Variants in PACRG observed in about 807,000 individuals in gnomAD.
The protein encoded by PACRG is parkin coregulated gene protein.
In PACRG, 29 loss-of-function variants were observed where a neutral mutation model predicts 29.7. The observed-to-expected ratio is 0.98, with a 90% CI of 0.73 to 1.33. The LOEUF (loss-of-function observed/expected upper bound fraction) is 1.33. Ranked by LOEUF, PACRG falls within the 40% of genes most tolerant of loss-of-function variation. The pLI is 0.00. For synonymous variants in PACRG, 116 were observed against 118.7 expected, an observed-to-expected ratio of 0.98 and a Z score of 0.15; for missense variants, 279 against 316.2, an observed-to-expected ratio of 0.88 and a Z score of 0.89.
At chr6:163,288,968 G>T (rs1784488195) in intron 4 of PACRG, among the ~76,000 whole-genome samples, 1 of 152,192 alleles carries the variant, frequency 6.6e-6, no homozygotes, top group African/African-American at 2.4e-5. Flanking sequence ...GAGATCAGAA[G>T]GTCGTGCCCA....
chr6:162,978,205 C>A (rs951344595), intron 2 of PACRG, among the ~76,000 whole-genome samples: 2 of 151,942 alleles, frequency 1.3e-5, no homozygotes, highest in Admixed American at 6.6e-5. Context: ...AGCATGAATG[C>A]TCATTACTTA....
intron 4 of PACRG, among the ~76,000 whole-genome samples, chr6:163,290,785 C>G (rs1423196829): frequency 1.3e-5 from 2 of 152,188 alleles, no homozygotes; most frequent in African/African-American, 4.8e-5. Flanking sequence ...CTAGTGCCTT[C>G]CACACAATGG....
intron 3 of PACRG, among the ~76,000 whole-genome samples, chr6:163,079,851 C>G (rs952455128): frequency 6.7e-6 from 1 of 149,254 alleles, no homozygotes; most frequent in East Asian, 2.0e-4. Context: ...GAAATGTAGA[C>G]ACCTTTTCTC....
intron 3 of PACRG, among the ~76,000 whole-genome samples, chr6:163,064,219 A>G (rs1440285435): frequency 2.6e-5 from 4 of 152,112 alleles, no homozygotes; most frequent in East Asian, 1.9e-4. Flanking sequence ...GTTGTCTGCA[A>G]TTAAAGCATA....
intron 2 of PACRG, among the ~76,000 whole-genome samples, chr6:162,839,014 C>A (rs2128405224): frequency 7.7e-6 from 1 of 130,504 alleles, no homozygotes; most frequent in African/African-American, 3.1e-5. Context: ...TGGGTTGGTT[C>A]CAAGTCTTTG....
intron 4 of PACRG, chr6:163,182,757 A>C (rs542428922): frequency 1.3e-5 from 2 of 152,234 alleles, no homozygotes; most frequent in African/African-American, 4.8e-5. Context: ...TTTTATAGAC[A>C]AGGAAATGGA....
intron 2 of PACRG, among the ~76,000 whole-genome samples, chr6:162,990,326 A>G (rs1245839951): frequency 6.6e-6 from 1 of 151,848 alleles, no homozygotes; most frequent in Non-Finnish European, 1.5e-5. Context: ...GACTTCCACA[A>G]TGGTTGAACT....
At chr6:162,960,807 CACAA>C (rs1800547642) in intron 2 of PACRG, among the ~76,000 whole-genome samples, 1 of 143,824 alleles carries the variant, frequency 7.0e-6, no homozygotes, top group African/African-American at 2.5e-5. Flanking sequence ...GATCCAGAGA[CACAA>C]ACAATGTCAG....
intron 4 of PACRG, among the ~76,000 whole-genome samples, chr6:163,225,090 A>G (rs1017334871): frequency 1.3e-5 from 2 of 152,218 alleles, no homozygotes; most frequent in East Asian, 1.9e-4. Context: ...AGGTACATGA[A>G]AAAATGGTCA....
intron 1 of PACRG, among the ~76,000 whole-genome samples, chr6:162,744,681 G>C (rs1460754401): frequency 6.6e-6 from 1 of 151,852 alleles, no homozygotes; most frequent in Non-Finnish European, 1.5e-5. Context: ...CATAAGTTTT[G>C]GTATTCCCTT....
intron 2 of PACRG, among the ~76,000 whole-genome samples, chr6:162,997,750 CTT>C (rs1178435443): frequency 1.3e-5 from 2 of 152,206 alleles, no homozygotes; most frequent in East Asian, 3.8e-4. Flanking sequence ...CATTGTCAGA[CTT>C]TTAATCTGTG....
intron 2 of PACRG, among the ~76,000 whole-genome samples, chr6:162,888,355 C>T (rs1179468346): frequency 6.6e-6 from 1 of 152,136 alleles, no homozygotes; most frequent in Non-Finnish European, 1.5e-5. Context: ...AGACATGAGG[C>T]CTCCTGCTGG....
At chr6:163,225,449 A>G (rs1295883069) in intron 4 of PACRG, among the ~76,000 whole-genome samples, 1 of 152,196 alleles carries the variant, frequency 6.6e-6, no homozygotes, top group Non-Finnish European at 1.5e-5. Context: ...CACTTCTGCC[A>G]TGACTGTAAG....
rs146231001 is a variant in PACRG, at chr6:163,060,225, G to A, written c.292-1925G>A. Among the ~76,000 whole-genome samples the A allele has an allele frequency of 1.0e-3, 154 of 152,098 alleles. 3 individuals are homozygous for A. The East Asian group carries it at 0.017, about 16-fold the overall frequency. ...AGTAAAATACAAAATTTAATTTTGTGCTTACAAGAAACACTTGTAAAAGTG... is the reference window on the plus strand; with the variant it reads ...AGTAAAATACAAAATTTAATTTTGTACTTACAAGAAACACTTGTAAAAGTG... On this transcript the variant is annotated intron_variant, in intron 2 of 4. Coordinates refer to ENST00000366888, the MANE Select transcript of PACRG (RefSeq NM_001080379.2).
chr6:163,084,150 A>T (rs2128294512), intron 3 of PACRG, among the ~76,000 whole-genome samples: 1 of 152,118 alleles, frequency 6.6e-6, no homozygotes, highest in East Asian at 1.9e-4. Flanking sequence ...ATGTCAGTAG[A>T]CTCCTCATGT....
chr6:162,905,762 G>A (rs147407326), intron 2 of PACRG, among the ~76,000 whole-genome samples: 207 of 152,260 alleles, frequency 1.4e-3, no homozygotes, highest in Admixed American at 5.5e-3. Context: ...GGAGCTGCCC[G>A]AAGCACTCTA....
At chr6:162,887,757 G>A (rs1794457241) in intron 2 of PACRG, among the ~76,000 whole-genome samples, 1 of 152,116 alleles carries the variant, frequency 6.6e-6, no homozygotes, top group South Asian at 2.1e-4. Flanking sequence ...GTTAGGTTGA[G>A]CCATCAGACT....
chr6:163,027,786 A>G (rs913907354), intron 2 of PACRG, among the ~76,000 whole-genome samples: 2 of 152,222 alleles, frequency 1.3e-5, no homozygotes, highest in African/African-American at 2.4e-5. Flanking sequence ...AGGAAGTGGC[A>G]CCCAACAGGG....
chr6:163,229,440 T>C (rs1429910258), intron 4 of PACRG, among the ~76,000 whole-genome samples: 1 of 152,220 alleles, frequency 6.6e-6, no homozygotes, highest in Non-Finnish European at 1.5e-5. Context: ...CTTCTGCTTC[T>C]CAGAGCACTC....
Sources: allele counts gnomAD v4.1 joint callset (sites outside exome capture counted in the v4.1 genomes callset), GRCh38; gene constraint gnomAD v4.1.1; transcripts MANE v1.5; gene names NCBI Gene and HGNC (gene_info 2026-07-23, HGNC 2026-07-21).